Variants in DCAF1 observed in about 807,000 individuals in gnomAD.
The protein encoded by DCAF1 is DDB1- and CUL4-associated factor 1.
A neutral mutation model predicts 128.0 loss-of-function variants in DCAF1; 15 were observed. The ratio of observed to expected loss-of-function variants is 0.12; its 90% CI spans 0.08 to 0.18. DCAF1 has a LOEUF of 0.18. Among genes scored for constraint, DCAF1 ranks in the 10% least tolerant of loss-of-function variants. The probability of loss-of-function intolerance (pLI) is 1.00; values close to 1 mark genes in which losing one functional copy is unlikely to be tolerated. For synonymous variants in DCAF1, 610 were observed against 603.0 expected, an observed-to-expected ratio of 1.01 and a Z score of -0.17; for missense variants, 988 against 1,649.5, an observed-to-expected ratio of 0.60 and a Z score of 6.95.
rs1699327596 is a variant in DCAF1, at chr3:51,420,863, T to C, written c.2107A>G (p.Ile703Val). 1.2e-6 allele frequency: 2 copies of C among 1,614,014 alleles called. No homozygotes were observed. Among genetic ancestry groups the C allele is most frequent in the Non-Finnish European group, 1.7e-6 (2 of 1,179,884 alleles). ...DNRISSIGKFISGTPRRKLPQ... is the reference protein window; with the variant it reads ...DNRISSIGKFVSGTPRRKLPQ... Reference sequence around the variant, plus strand: ...AGCTTTCTCCGAGGAGTACCAGAGATAAATTTACCAATACTGGATATTCGG... The same window carrying C: ...AGCTTTCTCCGAGGAGTACCAGAGACAAATTTACCAATACTGGATATTCGG... Residue 703 changes from isoleucine (I) to valine (V), a missense_variant, in exon 15 of 25, where the codon ATC (isoleucine) becomes GTC (valine). Coordinates refer to ENST00000684031, the MANE Select transcript of DCAF1 (RefSeq NM_001387579.1). The surrounding 1 kb of genome is among the most constrained non-coding windows in gnomAD (Gnocchi z 6.5).
At chr3:51,414,270 T>A (rs1456140806) in intron 19 of DCAF1, among the ~76,000 whole-genome samples, 1 of 152,242 alleles carries the variant, frequency 6.6e-6, no homozygotes, top group Non-Finnish European at 1.5e-5. Flanking sequence ...GCTCTTTTCC[T>A]CCCAACAGTA....
rs1553645188 is a variant in DCAF1 at position 51,463,125 on chromosome 3, A to G, written c.364T>C (p.Phe122Leu). The change falls in exon 6 of 25, where the codon TTT becomes CTT. Residue 122 changes from phenylalanine to leucine, a missense_variant. Around this residue, in one of 11 missense-constraint regions of DCAF1, gnomAD observed 210 missense variants for 260.2 expected, o/e 0.81. Coordinates refer to ENST00000684031, the MANE Select transcript of DCAF1 (RefSeq NM_001387579.1). The part of the protein sequence containing the change: ...IMPGLETAVV[F>L]QEKEGIVENL... ...TTTTCACTAAGTACCTTTTCTTGAA[A>G]GACGACAGCAGTTTCCAGCCCTGGC... is the stretch of plus-strand genomic sequence containing the variant. 3 of 1,587,754 alleles carry G rather than the reference A, an allele frequency of 1.9e-6. No homozygotes were observed. Among genetic ancestry groups the G allele is most frequent in the Non-Finnish European group, 8.6e-7 (1 of 1,168,234 alleles).
chr3:51,419,718 A>C lies in DCAF1; in HGVS notation c.3236+16T>G. On this transcript the variant is annotated intron_variant, in intron 15 of 24. Transcript: ENST00000684031. ...TCATTCCAATTCCCAGGGAGTAAGA[A>C]GGGGCCTCTTCTTACCTGCTAAAGA... 6.3e-7 allele frequency: 1 copy of C among 1,580,798 alleles called. No individual in the cohort carries two copies. Among genetic ancestry groups the C allele is most frequent in the Non-Finnish European group, 8.6e-7 (1 of 1,163,040 alleles).
At chr3:51,427,648 T>C (rs1349120546) in intron 12 of DCAF1, 107 bp from the exon 13 acceptor site, 2 of 440,152 alleles carry the variant, frequency 4.5e-6, no homozygotes, top group South Asian at 6.7e-5. Context: ...ATTTACTTAT[T>C]TCAAGACAGG....
rs1302568368 is a variant in DCAF1, at chr3:51,427,314, C to T, written c.1847+58G>A. 2.3e-5 allele frequency: 15 copies of T among 645,040 alleles called. 1 individual carries two copies. The highest frequency in any genetic ancestry group is 4.0e-5 in the Non-Finnish European group (14 of 351,088). 40.0% of individuals were successfully genotyped at this position (645,040 alleles called of 1,614,324 possible). ...TAAGCATATACAATGTGCAAACCAA[C>T]ATCAACTTTAACAAAAAGATGCATC... On this transcript the variant is annotated intron_variant, in intron 13 of 24. Transcript: ENST00000684031.
At chr3:51,407,759 G>A (rs1698000979) in intron 23 of DCAF1, among the ~76,000 whole-genome samples, 1 of 151,960 alleles carries the variant, frequency 6.6e-6, no homozygotes. Context: ...AGGCCGAGGT[G>A]GGCGGATCAC....
chr3:51,486,687 G>A (rs1269593122), intron 2 of DCAF1, among the ~76,000 whole-genome samples: 1 of 152,086 alleles, frequency 6.6e-6, no homozygotes, highest in Non-Finnish European at 1.5e-5. Flanking sequence ...AGGCTGGAGT[G>A]CAGTGGCACG....
At chr3:51,466,333 C>T (rs1454508011) in intron 5 of DCAF1, among the ~76,000 whole-genome samples, 3 of 152,138 alleles carry the variant, frequency 2.0e-5, no homozygotes, top group African/African-American at 7.2e-5. Flanking sequence ...AGCATCATGC[C>T]ATCCCACCTC....
intron 18 of DCAF1, among the ~76,000 whole-genome samples, chr3:51,416,307 G>T (rs1422801835): frequency 6.6e-6 from 1 of 152,052 alleles, no homozygotes; most frequent in Non-Finnish European, 1.5e-5. Context: ...GTTCCTCCAG[G>T]TATCTTCCTG....
At chr3:51,491,056 A>C (rs1245066405) in intron 2 of DCAF1, among the ~76,000 whole-genome samples, 4 of 150,826 alleles carry the variant, frequency 2.7e-5, no homozygotes, top group Admixed American at 6.7e-5. Context: ...AAAAAAAAAA[A>C]AACAAAGTCG....
At chr3:51,418,910 A>T in intron 15 of DCAF1, 34 bp from the exon 16 acceptor site, 4 of 1,563,338 alleles carry the variant, frequency 2.6e-6, no homozygotes, top group Non-Finnish European at 3.5e-6. Context: ...ACAGGCAAAG[A>T]ATGTGCAGGG....
At chr3:51,456,289 CCA>C (rs1702898997) in intron 6 of DCAF1, among the ~76,000 whole-genome samples, 3 of 152,222 alleles carry the variant, frequency 2.0e-5, no homozygotes, top group Admixed American at 1.3e-4. Flanking sequence ...GGTCCTACGC[CCA>C]CAGAGTCTCC....
the DCAF1 span, among the ~76,000 whole-genome samples, chr3:51,505,196 G>A: frequency 2.0e-5 from 3 of 151,108 alleles, no homozygotes; most frequent in South Asian, 2.1e-4. Context: ...CCCAGGAGGC[G>A]TAGGTTGCAG....
At chr3:51,501,131 C>T (rs556477689), upstream of DCAF1, among the ~76,000 whole-genome samples, 1 of 152,274 alleles carries the variant, frequency 6.6e-6, no homozygotes, top group Non-Finnish European at 1.5e-5. Flanking sequence ...TCTTTTTGTT[C>T]AAGACCTAGC....
rs1352465749 is a variant in DCAF1, at chr3:51,420,200, G to A, written c.2770C>T (p.Pro924Ser). 3 of 1,613,916 alleles carry A rather than the reference G, an allele frequency of 1.9e-6. No homozygotes were observed. Among genetic ancestry groups the A allele is most frequent in the South Asian group, 1.1e-5 (1 of 91,092 alleles). ...GSHAAVGASA[P>S]SAPTAHPQPR... ...TGAGGATGAGCAGTAGGGGCAGAAG[G>A]CGCAGAGGCACCCACAGCAGCATGG... Residue 924 changes from proline to serine, a missense_variant, in exon 15 of 25, where the codon CCT (proline) becomes TCT (serine). Coordinates refer to ENST00000684031, the MANE Select transcript of DCAF1 (RefSeq NM_001387579.1). The surrounding 1 kb of genome is among the most constrained non-coding windows in gnomAD (Gnocchi z 6.5).
intron 14 of DCAF1, among the ~76,000 whole-genome samples, chr3:51,421,240 T>A (rs2107361970): frequency 6.6e-6 from 1 of 152,168 alleles, no homozygotes; most frequent in South Asian, 2.1e-4. Flanking sequence ...TAATCAAGGT[T>A]CATGTGCAAT....
At chr3:51,416,693 C>T (rs1698911055) in intron 18 of DCAF1, 94 bp downstream of exon 18, 2 of 1,514,104 alleles carry the variant, frequency 1.3e-6, no homozygotes, top group South Asian at 2.4e-5. Flanking sequence ...TTCTAGTTGC[C>T]CAAAGGACTT....
At chr3:51,473,490 C>CAAAAAAAA (rs113483060) in intron 3 of DCAF1, among the ~76,000 whole-genome samples, 5 of 22,814 alleles carry the variant, frequency 2.2e-4, no homozygotes, top group South Asian at 1.4e-3. Flanking sequence ...GACTCCATCT[C>CAAAAAAAA]AAAAAAAAAA....
rs1157346225 is a variant in DCAF1, at chr3:51,413,020, G to C, written c.4083C>G (p.Thr1361=). The C allele has an allele frequency of 6.2e-7, 1 of 1,613,842 alleles. No individual in the cohort carries two copies. The highest frequency in any genetic ancestry group is 8.5e-7 in the Non-Finnish European group (1 of 1,179,890). The part of the protein sequence containing the change: ...KRNIFDLCTD[T]KDCYLAVIEN... ...CAATGACAGCAAGATAGCAGTCTTTGGTGTCTGTACACAGGTCAAAGATGT... is the reference window on the plus strand; with the variant it reads ...CAATGACAGCAAGATAGCAGTCTTTCGTGTCTGTACACAGGTCAAAGATGT... Residue 1361 remains threonine (T), a synonymous_variant, in exon 22 of 25, where the codon ACC becomes ACG. Coordinates refer to ENST00000684031, the MANE Select transcript of DCAF1 (RefSeq NM_001387579.1).
Sources: gnomAD v4.1 joint callset for allele counts (sites outside exome capture counted in the v4.1 genomes callset) on GRCh38, gnomAD v4.1.1 for gene constraint, gnomAD v4.1.1 regional missense constraint, Gnocchi (gnomAD v3.1) non-coding constraint, MANE v1.5 for transcripts, NCBI Gene and HGNC (gene_info 2026-07-23, HGNC 2026-07-21) for gene names.